DGCR2: variants seen among roughly 807,000 people sequenced by gnomAD.
DGCR2 encodes DiGeorge syndrome critical region gene 2, also known as integral membrane protein DGCR2/IDD.
A neutral mutation model predicts 51.6 loss-of-function variants in DGCR2; 24 were observed. The observed-to-expected ratio is 0.47, with a 90% CI of 0.34 to 0.65. The LOEUF (loss-of-function observed/expected upper bound fraction) is 0.65, where lower values mean the gene tolerates loss of function less well. DGCR2 is among the 30% of genes least tolerant of loss of function. The pLI, the probability that DGCR2 is intolerant of heterozygous loss-of-function variation, is 0.01. For missense variants in DGCR2, 765 were observed against 772.1 expected (o/e 0.99, Z 0.11); for synonymous variants, 340 against 315.4 (o/e 1.08, Z -0.82).
chr22:19,088,997 T>C (rs2083048029), intron 2 of DGCR2, among the ~76,000 whole-genome samples: 1 of 151,896 alleles, frequency 6.6e-6, no homozygotes, highest in Non-Finnish European at 1.5e-5. Flanking sequence ...ACATTCAGGA[T>C]CAAGAGGCAC....
chr22:19,039,225 C>T (rs1053594549), intron 9 of DGCR2, 104 bp from the exon 10 acceptor site: 4 of 1,453,618 alleles, frequency 2.8e-6, no homozygotes, highest in Non-Finnish European at 2.8e-6. Context: ...CCTGAAGGCC[C>T]CCCTGAAGCT....
Position 19,041,787 on chromosome 22 carries a change from G to C in DGCR2, c.1159+20C>G. 6.2e-7 allele frequency: 1 copy of C among 1,608,036 alleles called. No individual in the cohort carries two copies. Among genetic ancestry groups the C allele is most frequent in the Non-Finnish European group, 8.5e-7 (1 of 1,177,728 alleles). On this transcript the variant is annotated intron_variant, in intron 8 of 9. Coordinates refer to ENST00000263196, the MANE Select transcript of DGCR2 (RefSeq NM_005137.3). ...GGGTGGGGATGGGGACCAGGGTTGT[G>C]GCCCTCAGAGGGCACTTACAGTTTG...
At chr22:19,121,727 G>A (rs1424141063) in intron 1 of DGCR2, 1 of 158,178 alleles carries the variant, frequency 6.3e-6, no homozygotes, top group Non-Finnish European at 1.4e-5. Context: ...CGCTGTCCAG[G>A]CGAGGAGTTT....
chr22:19,064,429 G>A (rs1383150486), intron 4 of DGCR2, among the ~76,000 whole-genome samples: 1 of 152,240 alleles, frequency 6.6e-6, no homozygotes, highest in Non-Finnish European at 1.5e-5. Context: ...CTTGGGTCTT[G>A]AAGCGAAGGC....
chr22:19,067,677 C>T (rs559808330), intron 3 of DGCR2, among the ~76,000 whole-genome samples: 105 of 150,512 alleles, frequency 7.0e-4, no homozygotes, highest in Middle Eastern at 6.9e-3. Flanking sequence ...GGGTGACAAG[C>T]GTGAGACTCC....
chr22:19,073,984 G>C (rs1440450670), intron 2 of DGCR2, among the ~76,000 whole-genome samples: 4 of 152,166 alleles, frequency 2.6e-5, no homozygotes, highest in Non-Finnish European at 5.9e-5. Context: ...GGGGCGTCTG[G>C]GAAAGGAGGG....
intron 1 of DGCR2, among the ~76,000 whole-genome samples, chr22:19,104,648 T>G (rs2083242712): frequency 6.6e-6 from 1 of 152,164 alleles, no homozygotes; most frequent in East Asian, 1.9e-4. Flanking sequence ...CTGAGACCCA[T>G]CAGACACAGA....
At chr22:19,080,835 A>G (rs2082928230) in intron 2 of DGCR2, among the ~76,000 whole-genome samples, 1 of 152,178 alleles carries the variant, frequency 6.6e-6, no homozygotes, top group Non-Finnish European at 1.5e-5. Flanking sequence ...CTCTGTCTCA[A>G]AAAAAAGAAA....
At chr22:19,117,398 C>T (rs998923052) in intron 1 of DGCR2, among the ~76,000 whole-genome samples, 4 of 152,250 alleles carry the variant, frequency 2.6e-5, no homozygotes, top group Non-Finnish European at 5.9e-5. Flanking sequence ...CCTGGGCCAA[C>T]CTGGGCTTTA....
intron 2 of DGCR2, among the ~76,000 whole-genome samples, chr22:19,068,888 T>A (rs2082781404): frequency 6.6e-6 from 1 of 152,264 alleles, no homozygotes; most frequent in South Asian, 2.1e-4. Context: ...CAGCATGATC[T>A]AATAGTAATT....
intron 1 of DGCR2, among the ~76,000 whole-genome samples, chr22:19,098,231 G>A (rs776144163): frequency 6.6e-6 from 1 of 152,110 alleles, no homozygotes; most frequent in African/African-American, 2.4e-5. Flanking sequence ...CCACTCTCCA[G>A]GAACCCCTCC....
chr22:19,054,755 AGAG>A (rs935905446), intron 6 of DGCR2, among the ~76,000 whole-genome samples: 2 of 143,204 alleles, frequency 1.4e-5, no homozygotes, highest in Non-Finnish European at 3.1e-5. Flanking sequence ...AAAAAAAAAA[AGAG>A]AGAGTCAAGG....
chr22:19,082,262 C>T (rs1171786541), intron 2 of DGCR2, among the ~76,000 whole-genome samples: 3 of 119,320 alleles, frequency 2.5e-5, no homozygotes, highest in African/African-American at 1.0e-4. Flanking sequence ...GACAGGATTT[C>T]ACCACGTTGC....
intron 1 of DGCR2, among the ~76,000 whole-genome samples, chr22:19,098,714 A>T (rs915742943): frequency 8.5e-5 from 13 of 152,156 alleles, no homozygotes; most frequent in Admixed American, 7.2e-4. Flanking sequence ...CAGACTCCCA[A>T]GTAGCTGGGA....
chr22:19,086,410 C>T (rs916152343), intron 2 of DGCR2, among the ~76,000 whole-genome samples: 6 of 152,020 alleles, frequency 3.9e-5, no homozygotes, highest in African/African-American at 1.2e-4. Flanking sequence ...ACCCGGGAGG[C>T]AGAGCTTGCA....
Position 19,041,297 on chromosome 22 carries a change from G to A in DGCR2, c.1160-3C>T, listed in dbSNP as rs756866635. On this transcript the variant is annotated splice_region_variant and splice_polypyrimidine_tract_variant and intron_variant, in intron 8 of 9. Transcript: ENST00000263196. Reference sequence around the variant, plus strand: ...GCGGCCGAGGTTGAAGTGGTGCACTGGGCCATCAAAAGTGTGCAACGGGAA... The same window carrying A: ...GCGGCCGAGGTTGAAGTGGTGCACTAGGCCATCAAAAGTGTGCAACGGGAA... 1.9e-6 allele frequency: 3 copies of A among 1,613,472 alleles called. No individual in the cohort carries two copies. The highest frequency in any genetic ancestry group is 2.5e-6 in the Non-Finnish European group (3 of 1,179,720).
chr22:19,094,861 G>A (rs953451160), intron 1 of DGCR2, among the ~76,000 whole-genome samples: 8 of 152,190 alleles, frequency 5.3e-5, no homozygotes, highest in Admixed American at 4.6e-4. Context: ...ATTATATTGA[G>A]TGAAGAAGCC....
intron 5 of DGCR2, among the ~76,000 whole-genome samples, chr22:19,058,404 C>A (rs903693562): frequency 6.6e-6 from 1 of 152,172 alleles, no homozygotes; most frequent in Non-Finnish European, 1.5e-5. Context: ...GGAGTCACCT[C>A]CCCATACCAC....
intron 1 of DGCR2, among the ~76,000 whole-genome samples, chr22:19,112,301 A>T (rs199582302): frequency 0.17 from 26,457 of 151,206 alleles, 2,501 homozygotes; most frequent in South Asian, 0.29. Flanking sequence ...AACCTAGGAA[A>T]ATAATAAAAC....
Sources: allele counts gnomAD v4.1 joint callset (sites outside exome capture counted in the v4.1 genomes callset), GRCh38; gene constraint gnomAD v4.1.1; transcripts MANE v1.5; gene names NCBI Gene and HGNC (gene_info 2026-07-23, HGNC 2026-07-21).